GABPB1: variants seen among roughly 807,000 people sequenced by gnomAD.
GABPB1 encodes the protein GA-binding protein subunit beta-1.
A neutral mutation model predicts 45.9 loss-of-function variants in GABPB1; 15 were observed. The ratio of observed to expected loss-of-function variants is 0.33; its 90% CI spans 0.22 to 0.50. The LOEUF (loss-of-function observed/expected upper bound fraction) is 0.50. GABPB1 is among the 20% of genes least tolerant of loss of function. The probability of loss-of-function intolerance (pLI) is 0.98; values close to 1 mark genes in which losing one functional copy is unlikely to be tolerated. For missense variants in GABPB1, 252 were observed against 457.5 expected (o/e 0.55, Z 4.10); for synonymous variants, 143 against 154.4 (o/e 0.93, Z 0.55).
At chr15:50,354,606 G>A (rs1159620056) in intron 1 of GABPB1, 7 of 445,800 alleles carry the variant, frequency 1.6e-5, no homozygotes, top group East Asian at 7.9e-5. Flanking sequence ...GTCGCCCGCA[G>A]AACCTCCGCT....
intron 6 of GABPB1, among the ~76,000 whole-genome samples, chr15:50,292,846 A>ATG (rs3985830): frequency 0.029 from 4,372 of 149,700 alleles, 81 homozygotes; most frequent in African/African-American, 0.055. Flanking sequence ...AAGTGTGTAT[A>ATG]TGTGTGTGTG....
At chr15:50,337,067 ATGTGTGTG>A (rs71900822) in intron 1 of GABPB1, among the ~76,000 whole-genome samples, 65,524 of 118,108 alleles carry the variant, frequency 0.55, 19,208 homozygotes, top group Middle Eastern at 0.74. Context: ...TTACATGTAT[ATGTGTGTG>A]TATATATATA....
intron 1 of GABPB1, among the ~76,000 whole-genome samples, chr15:50,317,011 C>CTA: frequency 6.6e-6 from 1 of 151,826 alleles, no homozygotes; most frequent in East Asian, 1.9e-4. Flanking sequence ...TAAAATAATA[C>CTA]TATATATATT....
intron 3 of GABPB1, 119 bp downstream of exon 3, chr15:50,303,846 AC>A (rs1219743475): frequency 1.4e-6 from 1 of 723,914 alleles, no homozygotes; most frequent in Non-Finnish European, 2.2e-6. Flanking sequence ...GCTTATACAC[AC>A]AAAAAATGAA....
At chr15:50,323,177 ACT>A (rs1567525554) in intron 1 of GABPB1, among the ~76,000 whole-genome samples, 4 of 152,144 alleles carry the variant, frequency 2.6e-5, no homozygotes. Flanking sequence ...TTGAGACTGT[ACT>A]GCACAGCGGC....
chr15:50,280,191 T>G (rs1049434434), intron 8 of GABPB1, among the ~76,000 whole-genome samples: 9 of 152,268 alleles, frequency 5.9e-5, no homozygotes, highest in African/African-American at 2.2e-4. Flanking sequence ...ACTCCCAGTT[T>G]AAGCAATGCC....
chr15:50,312,925 T>C (rs950055376), intron 1 of GABPB1, among the ~76,000 whole-genome samples: 7 of 152,166 alleles, frequency 4.6e-5, no homozygotes, highest in African/African-American at 1.7e-4. Context: ...CTTTGTCAAA[T>C]ATAACAAGTA....
In GABPB1 at chr15:50,353,466, A is replaced by G. The variant is rs566339553; in HGVS notation, c.-1+1519T>C. 99 of 152,258 alleles carry G rather than the reference A, an allele frequency of 6.5e-4. 1 individual carries two copies. Among genetic ancestry groups the G allele is most frequent in the African/African-American group, 2.3e-3 (95 of 41,556 alleles). 9.4% of individuals were successfully genotyped at this position (152,258 alleles called of 1,614,324 possible). A position where few individuals can be genotyped will look rare whatever the true frequency, so the allele number is the denominator to read the frequency against. On this transcript the variant is annotated intron_variant, in intron 1 of 8. Transcript: ENST00000380877. ...ATGGTGTGCTAACCACAACAGTCTG[A>G]CGTAGATCTGAGAATCTTCTATTAA...
At position 50,289,672 on chromosome 15, in the gene GABPB1, G is replaced by GA. The variant is rs374196509; in HGVS notation, c.698-5dup. 47,408 of 1,114,870 alleles carry GA rather than the reference G, an allele frequency of 0.043. 1 individual carries two copies. Among genetic ancestry groups the GA allele is most frequent in the South Asian group, 0.058 (3,595 of 62,502 alleles). 69.1% of individuals were successfully genotyped at this position (1,114,870 alleles called of 1,614,324 possible). A position where few individuals can be genotyped will look rare whatever the true frequency, so the allele number is the denominator to read the frequency against. ...ACTACTTCTTCTGTGGCCACTACTG[G>GA]AAAAAAAAAAAAGAAAACTCAGCAA... On this transcript the variant is annotated splice_polypyrimidine_tract_variant and splice_region_variant and intron_variant, in intron 6 of 8. Coordinates refer to ENST00000380877, the MANE Select transcript of GABPB1 (RefSeq NM_016654.5).
At chr15:50,310,874 G>A (rs1187742466) in intron 1 of GABPB1, among the ~76,000 whole-genome samples, 3 of 151,758 alleles carry the variant, frequency 2.0e-5, no homozygotes, top group Non-Finnish European at 4.4e-5. Flanking sequence ...CTACTCAGGA[G>A]GCTGAGGCAC....
At chr15:50,347,967 C>G in intron 1 of GABPB1, among the ~76,000 whole-genome samples, 1 of 144,058 alleles carries the variant, frequency 6.9e-6, no homozygotes, top group East Asian at 2.0e-4. Context: ...CACTTGAACC[C>G]GGGAGGCAGA....
At chr15:50,350,031 C>G (rs1460729651) in intron 1 of GABPB1, 1 of 152,080 alleles carries the variant, frequency 6.6e-6, no homozygotes, top group African/African-American at 2.4e-5. Flanking sequence ...ACCAAGACAT[C>G]CTTTCATGTC....
intron 6 of GABPB1, among the ~76,000 whole-genome samples, chr15:50,295,057 AG>A (rs1472362733): frequency 6.6e-6 from 1 of 152,196 alleles, no homozygotes; most frequent in African/African-American, 2.4e-5. Flanking sequence ...ATATTTTTAA[AG>A]GGCCAGATAA....
intron 6 of GABPB1, among the ~76,000 whole-genome samples, chr15:50,300,008 G>A (rs1454004259): frequency 6.6e-6 from 1 of 151,938 alleles, no homozygotes; most frequent in Non-Finnish European, 1.5e-5. Context: ...GGTAGAGATA[G>A]GGTTTCACCA....
intron 1 of GABPB1, among the ~76,000 whole-genome samples, chr15:50,318,294 T>C (rs2047423826): frequency 6.6e-6 from 1 of 152,218 alleles, no homozygotes; most frequent in Non-Finnish European, 1.5e-5. Flanking sequence ...ATAAAGGGCA[T>C]GTCCTCCAAG....
intron 8 of GABPB1, among the ~76,000 whole-genome samples, chr15:50,285,713 GAAC>G (rs922486975): frequency 1.8e-4 from 27 of 151,706 alleles, no homozygotes; most frequent in Admixed American, 1.1e-3. Context: ...TTTCAGTTTT[GAAC>G]AACAAAAAAA....
chr15:50,330,303 T>G (rs967935817), intron 1 of GABPB1, among the ~76,000 whole-genome samples: 1 of 152,112 alleles, frequency 6.6e-6, no homozygotes, highest in South Asian at 2.1e-4. Flanking sequence ...AAATACTGCA[T>G]AGAGATTTTT....
chr15:50,303,978 C>A lies in GABPB1; in HGVS notation c.264G>T (p.Glu88Asp), dbSNP rs1325361709. ...AGAGAACACATACCTTAAGTAAAAC[C>A]TCTACTATGCTGGCATGGCCCTCAG... ...AASEGHASIV[E>D]VLLKHGADVN... is the part of the protein sequence containing the mutation. Residue 88 changes from glutamate (E) to aspartate (D), a missense_variant, in exon 3 of 9, where the codon GAG (glutamate) becomes GAT (aspartate). By Grantham distance (45) the Glu-to-Asp change is conservative. Transcript: ENST00000380877. The A allele has an allele frequency of 6.3e-7, 1 of 1,597,476 alleles. No homozygotes were observed. Among genetic ancestry groups the A allele is most frequent in the South Asian group, 1.1e-5 (1 of 87,272 alleles).
intron 1 of GABPB1, among the ~76,000 whole-genome samples, chr15:50,346,754 T>G (rs1211502470): frequency 6.6e-6 from 1 of 151,002 alleles, no homozygotes; most frequent in East Asian, 1.9e-4. Context: ...TGCTGTAACC[T>G]CATGTGGAAG....
Sources: allele counts gnomAD v4.1 joint callset (sites outside exome capture counted in the v4.1 genomes callset), GRCh38; gene constraint gnomAD v4.1.1; transcripts MANE v1.5; gene names NCBI Gene and HGNC (gene_info 2026-07-23, HGNC 2026-07-21).